SGMS1: variants seen among roughly 807,000 people sequenced by gnomAD.
SGMS1 encodes sphingomyelin synthase 1.
A neutral mutation model predicts 46.2 loss-of-function variants in SGMS1; 13 were observed. That is an observed-to-expected ratio of 0.28 (90% confidence interval 0.18 to 0.45). The LOEUF (loss-of-function observed/expected upper bound fraction) is 0.45, where lower values mean the gene tolerates loss of function less well. SGMS1 is among the 20% of genes least tolerant of loss of function. The pLI, the probability that SGMS1 is intolerant of heterozygous loss-of-function variation, is 1.00. For missense variants in SGMS1, 324 were observed against 519.9 expected (o/e 0.62, Z 3.66); for synonymous variants, 203 against 187.8 (o/e 1.08, Z -0.66).
chr10:50,518,919 C>T (rs1837833142), intron 3 of SGMS1, among the ~76,000 whole-genome samples: 1 of 152,100 alleles, frequency 6.6e-6, no homozygotes, highest in Admixed American at 6.5e-5. Flanking sequence ...ATAAAGATGA[C>T]AATGATATAC....
chr10:50,618,123 CTG>C (rs1466935389), intron 1 of SGMS1, among the ~76,000 whole-genome samples: 1 of 152,094 alleles, frequency 6.6e-6, no homozygotes, highest in African/African-American at 2.4e-5. Flanking sequence ...AAAGAATACA[CTG>C]TTTAATAGAT....
chr10:50,355,962 C>T (rs182897303), intron 6 of SGMS1, among the ~76,000 whole-genome samples: 2,548 of 152,072 alleles, frequency 0.017, 69 homozygotes, highest in African/African-American at 0.058. Flanking sequence ...TCTGACCGGC[C>T]GCCCCGTCTG....
chr10:50,397,688 GTTGAGGAAGCTGCC>G (rs1848866297), intron 6 of SGMS1, among the ~76,000 whole-genome samples: 1 of 152,224 alleles, frequency 6.6e-6, no homozygotes, highest in African/African-American at 2.4e-5. Flanking sequence ...ACAAACACAA[GTTGAGGAAGCTGCC>G]TTTCCCGTTT....
Position 50,343,818 on chromosome 10 carries a change from G to C in SGMS1, c.297C>G (p.Ser99Arg). ...VDIPTPDGSF[S>R]IKIKPNGMPN... is the part of the protein sequence containing the mutation. ...GCATCCCGTTGGGTTTAATCTTGAT[G>C]CTGAAGCTGCCGTCGGGGGTGGGGA... The change falls in exon 7 of 11, where the codon AGC (serine) becomes AGG (arginine). Residue 99 changes from serine (S) to arginine (R), a missense_variant. Ser to Arg is a moderately radical substitution (Grantham distance 110). Around this residue, in one of 2 missense-constraint regions of SGMS1, gnomAD observed 150 missense variants for 169.8 expected, o/e 0.88. Transcript: ENST00000361781. The C allele has an allele frequency of 6.2e-7, 1 of 1,614,156 alleles. No homozygotes were observed. The highest frequency in any genetic ancestry group is 8.5e-7 in the Non-Finnish European group (1 of 1,180,034).
At chr10:50,456,263 G>A (rs1837189660) in intron 5 of SGMS1, among the ~76,000 whole-genome samples, 1 of 149,448 alleles carries the variant, frequency 6.7e-6, no homozygotes, top group African/African-American at 2.6e-5. Flanking sequence ...CTGGTTGATG[G>A]GACAATAAGG....
At chr10:50,561,723 G>C (rs1285475520) in intron 2 of SGMS1, among the ~76,000 whole-genome samples, 4 of 152,204 alleles carry the variant, frequency 2.6e-5, no homozygotes, top group Non-Finnish European at 5.9e-5. Flanking sequence ...TGATGTAGGA[G>C]AACTAAGTTA....
Position 50,343,818 on chromosome 10 carries a change from G to A in SGMS1, c.297C>T (p.Ser99=), listed in dbSNP as rs1319761542. Residue 99 remains serine (S), a synonymous_variant, in exon 7 of 11, where the codon AGC becomes AGT. Coordinates refer to ENST00000361781, the MANE Select transcript of SGMS1 (RefSeq NM_147156.4). ...GCATCCCGTTGGGTTTAATCTTGAT[G>A]CTGAAGCTGCCGTCGGGGGTGGGGA... is the stretch of plus-strand genomic sequence containing the variant. The part of the protein sequence containing the change: ...VDIPTPDGSF[S]IKIKPNGMPN... 11 of 1,614,156 alleles carry A rather than the reference G, an allele frequency of 6.8e-6. 1 individual carries two copies. The South Asian group carries it at 1.2e-4, about 18-fold the overall frequency.
At chr10:50,516,693 T>C (rs1350063270) in intron 3 of SGMS1, among the ~76,000 whole-genome samples, 1 of 152,186 alleles carries the variant, frequency 6.6e-6, no homozygotes, top group Non-Finnish European at 1.5e-5. Flanking sequence ...TAAAGGAAAG[T>C]AATAAATTGA....
chr10:50,556,353 A>G (rs944724707), intron 2 of SGMS1, among the ~76,000 whole-genome samples: 2 of 152,206 alleles, frequency 1.3e-5, no homozygotes, highest in East Asian at 3.8e-4. Flanking sequence ...CCATGGAGGA[A>G]ACAGAAAGCA....
At chr10:50,621,555 T>C (rs1012159278) in intron 1 of SGMS1, among the ~76,000 whole-genome samples, 1 of 152,244 alleles carries the variant, frequency 6.6e-6, no homozygotes, top group Non-Finnish European at 1.5e-5. Flanking sequence ...TGCAGAGGCA[T>C]GTATTGAATA....
chr10:50,459,560 T>C (rs975570699), intron 5 of SGMS1, among the ~76,000 whole-genome samples: 2 of 152,092 alleles, frequency 1.3e-5, no homozygotes, highest in Non-Finnish European at 2.9e-5. Flanking sequence ...CCCGCCACCA[T>C]GCCCGGCTAA....
At chr10:50,328,293 C>A (rs1242247385) in intron 7 of SGMS1, among the ~76,000 whole-genome samples, 1 of 152,178 alleles carries the variant, frequency 6.6e-6, no homozygotes, top group Non-Finnish European at 1.5e-5. Flanking sequence ...ATGTGAGTAA[C>A]CCTGTGGGTC....
At chr10:50,518,086 C>A (rs1837825028) in intron 3 of SGMS1, among the ~76,000 whole-genome samples, 1 of 152,108 alleles carries the variant, frequency 6.6e-6, no homozygotes, top group African/African-American at 2.4e-5. Context: ...CAAATACCAT[C>A]TCTATACAAT....
chr10:50,459,169 TCAGAAAA>T (rs1337827525), intron 5 of SGMS1, among the ~76,000 whole-genome samples: 3 of 152,008 alleles, frequency 2.0e-5, no homozygotes, highest in African/African-American at 7.2e-5. Context: ...CATAATCAAC[TCAGAAAA>T]CAGAATCAGT....
rs534826469 is a variant in SGMS1, at chr10:50,618,381, A to G, written c.-684+5326T>C. ...GCTATATCAAAACTAAAAATTTCTC[A>G]AAGTTACCATTGACAAAGTTGATAA... On this transcript the variant is annotated intron_variant, in intron 1 of 10. Coordinates refer to ENST00000361781, the MANE Select transcript of SGMS1 (RefSeq NM_147156.4). Among the ~76,000 whole-genome samples, 4 of 152,340 alleles carry G rather than the reference A, an allele frequency of 2.6e-5. No homozygotes were observed. In the East Asian group the frequency reaches 5.8e-4, roughly 22 times the overall value.
chr10:50,437,592 A>G (rs1368353369), intron 5 of SGMS1, among the ~76,000 whole-genome samples: 1 of 152,234 alleles, frequency 6.6e-6, no homozygotes, highest in East Asian at 1.9e-4. Flanking sequence ...ATAAAAAAGC[A>G]AGAAACAGCA....
intron 1 of SGMS1, among the ~76,000 whole-genome samples, chr10:50,599,389 C>A (rs1276616300): frequency 2.0e-5 from 3 of 152,106 alleles, no homozygotes; most frequent in Non-Finnish European, 2.9e-5. Flanking sequence ...AGTTTCCCTG[C>A]AACAGCCCAC....
intron 6 of SGMS1, among the ~76,000 whole-genome samples, chr10:50,408,734 G>T (rs1849057485): frequency 6.6e-6 from 1 of 152,168 alleles, no homozygotes; most frequent in Non-Finnish European, 1.5e-5. Flanking sequence ...CAGCTACTGG[G>T]GTGCGTCTCA....
chr10:50,593,031 A>G (rs1438214751), intron 1 of SGMS1, among the ~76,000 whole-genome samples: 1 of 150,896 alleles, frequency 6.6e-6, no homozygotes, highest in African/African-American at 2.4e-5. Flanking sequence ...CTGGCGTGAG[A>G]CTGCAAAAGT....
Sources: allele counts gnomAD v4.1 joint callset (sites outside exome capture counted in the v4.1 genomes callset), GRCh38; gene constraint gnomAD v4.1.1; regional missense constraint gnomAD v4.1.1; transcripts MANE v1.5; gene names NCBI Gene and HGNC (gene_info 2026-07-23, HGNC 2026-07-21).